JARID2: variants seen among roughly 807,000 people sequenced by gnomAD.
JARID2 encodes protein Jumonji.
Under a neutral mutation model 125.6 loss-of-function variants are expected in JARID2, and 21 were observed. The observed-to-expected ratio is 0.17, with a 90% CI of 0.12 to 0.24. JARID2 has a LOEUF of 0.24. Ranked by LOEUF, JARID2 falls within the 10% of genes least tolerant of loss-of-function variation. The pLI is 1.00. For missense variants in JARID2, 1,303 were observed against 1,639.6 expected (o/e 0.79, Z 3.55); for synonymous variants, 736 against 661.6 (o/e 1.11, Z -1.73).
rs1770736410 is a variant in JARID2 at position 15,501,537 on chromosome 6, CTG to C, written c.2448+131_2448+132del. 4.8e-6 allele frequency: 4 copies of C among 834,696 alleles called. No individual in the cohort carries two copies. The South Asian group carries it at 7.5e-5, about 16-fold the overall frequency. The allele number at this position is 834,696 out of a possible 1,614,324, so 51.7% of individuals were successfully genotyped here. A position where few individuals can be genotyped will look rare whatever the true frequency, so the allele number is the denominator to read the frequency against. Reference sequence around the variant, plus strand: ...CCTGGGGTGATGAGGGGGCGGGCCACTGTGCTGGGTGATAGCGCTGTATTAGT... The same window carrying C: ...CCTGGGGTGATGAGGGGGCGGGCCACTGCTGGGTGATAGCGCTGTATTAGT... On this transcript the variant is annotated intron_variant, in intron 8 of 17. Coordinates refer to ENST00000341776, the MANE Select transcript of JARID2 (RefSeq NM_004973.4).
intron 3 of JARID2, among the ~76,000 whole-genome samples, chr6:15,416,067 C>T (rs371236416): frequency 6.6e-6 from 1 of 151,450 alleles, no homozygotes; most frequent in Non-Finnish European, 1.5e-5. Context: ...GGGGCAGAGG[C>T]GCTCCCCACA....
intron 1 of JARID2, chr6:15,247,555 C>G (rs1007385639): frequency 2.5e-5 from 24 of 979,206 alleles, no homozygotes; most frequent in Middle Eastern, 5.3e-4. Flanking sequence ...CAAAAAAGGC[C>G]AAATGAACAT....
intron 1 of JARID2, among the ~76,000 whole-genome samples, chr6:15,278,780 C>T (rs1007328113): frequency 2.6e-5 from 4 of 151,638 alleles, no homozygotes; most frequent in African/African-American, 9.7e-5. Context: ...TGGAAATTGT[C>T]CAGCCGGGCT....
Position 15,501,376 on chromosome 6 carries a change from C to T in JARID2, c.2415C>T (p.Gly805=), listed in dbSNP as rs749197298. The change falls in exon 8 of 18, where the codon GGC becomes GGT. Residue 805 remains glycine, a synonymous_variant. Transcript: ENST00000341776. ...EVVKEEEEDK[G]VLNDFHKCIY... The stretch of plus-strand genomic sequence containing the variant: ...TCAAGGAAGAGGAGGAGGACAAAGG[C>T]GTCCTCAATGACTTCCACAAGTGCA... 25 of 1,562,464 alleles carry T rather than the reference C, an allele frequency of 1.6e-5. No homozygotes were observed. Among genetic ancestry groups the T allele is most frequent in the South Asian group, 4.8e-5 (4 of 84,198 alleles).
chr6:15,348,072 T>C (rs920988187), intron 1 of JARID2, among the ~76,000 whole-genome samples: 1 of 151,382 alleles, frequency 6.6e-6, no homozygotes, highest in Admixed American at 6.6e-5. Flanking sequence ...ATTTTTCTTA[T>C]AATTATTATT....
chr6:15,250,097 A>G (rs1185901743), intron 1 of JARID2, among the ~76,000 whole-genome samples: 3 of 152,220 alleles, frequency 2.0e-5, no homozygotes, highest in Non-Finnish European at 4.4e-5. Context: ...TGTAGTTAGC[A>G]TGAAAACAAA....
chr6:15,335,328 G>A (rs1260648398), intron 1 of JARID2, among the ~76,000 whole-genome samples: 1 of 150,516 alleles, frequency 6.6e-6, no homozygotes, highest in African/African-American at 2.4e-5. Flanking sequence ...TTGAACTCCA[G>A]GCCTCAAGCG....
At chr6:15,499,674 T>C (rs942780303) in intron 7 of JARID2, among the ~76,000 whole-genome samples, 2 of 152,110 alleles carry the variant, frequency 1.3e-5, no homozygotes, top group African/African-American at 2.4e-5. Context: ...CTGTGAGACC[T>C]GGAGTTTGTT....
At chr6:15,261,765 C>G (rs1013618405) in intron 1 of JARID2, among the ~76,000 whole-genome samples, 1 of 150,606 alleles carries the variant, frequency 6.6e-6, no homozygotes, top group South Asian at 2.1e-4. Flanking sequence ...TATTGTATAC[C>G]TTATATACAA....
chr6:15,496,013 A>G (rs1770399392), intron 6 of JARID2, 119 bp from the exon 7 acceptor site: 3 of 780,996 alleles, frequency 3.8e-6, no homozygotes, highest in African/African-American at 3.5e-5. Flanking sequence ...ATCACACTAC[A>G]GGCTGCTGGC....
At chr6:15,284,014 A>T (rs1760896012) in intron 1 of JARID2, among the ~76,000 whole-genome samples, 1 of 151,980 alleles carries the variant, frequency 6.6e-6, no homozygotes, top group Admixed American at 6.6e-5. Flanking sequence ...GCCTCCTTTA[A>T]GTATGTTTAT....
At chr6:15,485,284 A>C (rs576367271) in intron 5 of JARID2, among the ~76,000 whole-genome samples, 1 of 152,324 alleles carries the variant, frequency 6.6e-6, no homozygotes, top group South Asian at 2.1e-4. Flanking sequence ...GATAATGGAG[A>C]TCTCCATCTT....
chr6:15,436,941 C>T (rs915587297), intron 3 of JARID2, among the ~76,000 whole-genome samples: 1 of 152,024 alleles, frequency 6.6e-6, no homozygotes, highest in Non-Finnish European at 1.5e-5. Flanking sequence ...CTCTCCTGGT[C>T]ACATAGGTCT....
chr6:15,456,018 G>A (rs138902571), intron 4 of JARID2, among the ~76,000 whole-genome samples: 106 of 152,328 alleles, frequency 7.0e-4, no homozygotes, highest in African/African-American at 2.4e-3. Context: ...ATGGAATTTA[G>A]TTATGCAGGT....
At chr6:15,350,974 C>G (rs770169635) in intron 1 of JARID2, among the ~76,000 whole-genome samples, 15 of 151,242 alleles carry the variant, frequency 9.9e-5, no homozygotes, top group Admixed American at 2.0e-4. Context: ...ACTGCCACAT[C>G]CTTGTACTGA....
intron 1 of JARID2, among the ~76,000 whole-genome samples, chr6:15,353,733 A>G (rs986657394): frequency 1.3e-5 from 2 of 152,078 alleles, no homozygotes; most frequent in African/African-American, 4.8e-5. Flanking sequence ...CAGGATTTCA[A>G]TGCAAAAAAA....
chr6:15,299,112 G>GCTAT (rs1339291056), intron 1 of JARID2, among the ~76,000 whole-genome samples: 1 of 152,116 alleles, frequency 6.6e-6, no homozygotes, highest in Non-Finnish European at 1.5e-5. Context: ...AAGAAACCTG[G>GCTAT]CTATCTGTAC....
intron 2 of JARID2, among the ~76,000 whole-genome samples, chr6:15,375,146 A>G (rs1764303742): frequency 6.6e-6 from 1 of 152,096 alleles, no homozygotes; most frequent in Non-Finnish European, 1.5e-5. Flanking sequence ...CCACCACCTT[A>G]GTTGTATGGT....
chr6:15,253,204 A>G (rs558860617), intron 1 of JARID2, among the ~76,000 whole-genome samples: 12 of 152,062 alleles, frequency 7.9e-5, no homozygotes, highest in South Asian at 2.1e-4. Context: ...GCTGGGACTA[A>G]CCAGCGTGTG....
Sources: allele counts gnomAD v4.1 joint callset (sites outside exome capture counted in the v4.1 genomes callset), GRCh38; gene constraint gnomAD v4.1.1; transcripts MANE v1.5; gene names NCBI Gene and HGNC (gene_info 2026-07-23, HGNC 2026-07-21).